Variants in POGK observed in about 807,000 individuals in gnomAD.
The protein encoded by POGK is pogo transposable element derived with KRAB domain.
A neutral mutation model predicts 54.4 loss-of-function variants in POGK; 16 were observed. That is an observed-to-expected ratio of 0.29 (90% CI 0.20 to 0.45). The LOEUF is 0.45. Ranked by LOEUF, POGK falls within the 20% of genes least tolerant of loss-of-function variation. POGK has a pLI of 1.00. For synonymous variants in POGK, 271 were observed against 302.2 expected (o/e 0.90, Z 1.07); for missense variants, 515 against 795.6 (o/e 0.65, Z 4.24).
At chr1:166,847,925 C>G (rs1390873095) in intron 4 of POGK, among the ~76,000 whole-genome samples, 1 of 152,112 alleles carries the variant, frequency 6.6e-6, no homozygotes, top group Admixed American at 6.5e-5. Context: ...TGTGCCTCTG[C>G]AAACTAAGAA....
Position 166,849,449 on chromosome 1 carries a change from C to A in POGK, c.870C>A (p.Leu290=). The A allele has an allele frequency of 4.3e-6, 7 of 1,614,208 alleles. No homozygotes were observed. Among genetic ancestry groups the A allele is most frequent in the Non-Finnish European group, 5.9e-6 (7 of 1,180,036 alleles). ...GGGAGGCGATGCAGCTGAAAGCTCT[C>A]GAAATCGCCCAGGAAATGAACATTC... is the stretch of plus-strand genomic sequence containing the variant. ...ITREAMQLKA[L]EIAQEMNIPE... Residue 290 remains leucine (L), a synonymous_variant, in exon 5 of 6, where the codon CTC becomes CTA. Coordinates refer to ENST00000367876, the MANE Select transcript of POGK (RefSeq NM_017542.5).
intron 5 of POGK, chr1:166,850,996 G>C (rs962219263): frequency 6.6e-6 from 1 of 152,090 alleles, no homozygotes; most frequent in African/African-American, 2.4e-5. Context: ...TTGTATAATA[G>C]GTGAAATGAA....
rs1658225176 is a variant in POGK, at chr1:166,855,000, T to G, written c.*2430T>G. The G allele has an allele frequency of 6.6e-6, 1 of 152,104 alleles. No homozygotes were observed. Among genetic ancestry groups the G allele is most frequent in the Non-Finnish European group, 1.5e-5 (1 of 68,030 alleles). The allele number at this position is 152,104 out of a possible 1,614,324, so 9.4% of individuals were successfully genotyped here. A position where few individuals can be genotyped will look rare whatever the true frequency, so the allele number is the denominator to read the frequency against. On this transcript the variant is annotated 3_prime_UTR_variant, in exon 6 of 6. Coordinates refer to ENST00000367876, the MANE Select transcript of POGK (RefSeq NM_017542.5). ...CCTCCCAGAGGCATTTTGGAATGAG[T>G]CAAAGGCATGGTAGGACACGGCATT...
chr1:166,850,647 A>G lies in POGK; in HGVS notation c.*14+224A>G, dbSNP rs891605201. ...GAGCGGCAGGTGAGCAAGCATTACC[A>G]CCTGAGCTCCGCCCGCTGTCACAGC... On this transcript the variant is annotated intron_variant, in intron 5 of 5. Coordinates refer to ENST00000367876, the MANE Select transcript of POGK (RefSeq NM_017542.5). The G allele has an allele frequency of 4.4e-5, 21 of 472,492 alleles. No homozygotes were observed. The Admixed American group carries it at 6.9e-4, about 16-fold the overall frequency. 29.3% of individuals were successfully genotyped at this position (472,492 alleles called of 1,614,324 possible). A position where few individuals can be genotyped will look rare whatever the true frequency, so the allele number is the denominator to read the frequency against.
At chr1:166,841,118 C>A (rs1312971825) in intron 2 of POGK, 30 bp downstream of exon 2, 1 of 1,609,680 alleles carries the variant, frequency 6.2e-7, no homozygotes, top group Admixed American at 1.7e-5. Flanking sequence ...GTCCACACAG[C>A]CAGCAGATGC....
rs139371750 is a variant in POGK at position 166,853,422 on chromosome 1, A to G, written c.*852A>G. Reference sequence around the variant, plus strand: ...TCGCTATAAATTATCTGTTGTCTACATGGTACAAGGCCCATTGACTCATCT... The same window carrying G: ...TCGCTATAAATTATCTGTTGTCTACGTGGTACAAGGCCCATTGACTCATCT... On this transcript the variant is annotated 3_prime_UTR_variant, in exon 6 of 6. Coordinates refer to ENST00000367876, the MANE Select transcript of POGK (RefSeq NM_017542.5). 6.5e-6 allele frequency: 1 copy of G among 152,714 alleles called. No individual in the cohort carries two copies. The highest frequency in any genetic ancestry group is 1.9e-4 in the East Asian group (1 of 5,186). 9.5% of individuals were successfully genotyped at this position (152,714 alleles called of 1,614,324 possible). A position where few individuals can be genotyped will look rare whatever the true frequency, so the allele number is the denominator to read the frequency against.
At chr1:166,845,357 CAA>C (rs11464833) in intron 2 of POGK, among the ~76,000 whole-genome samples, 14 of 100,862 alleles carry the variant, frequency 1.4e-4, no homozygotes, top group Admixed American at 2.2e-4. Context: ...GACTCCATCT[CAA>C]AAAAAAAAAA....
At position 166,852,873 on chromosome 1, in the gene POGK, A is replaced by G. The variant is rs1306744947; in HGVS notation, c.*303A>G. On this transcript the variant is annotated 3_prime_UTR_variant, in exon 6 of 6. Coordinates refer to ENST00000367876, the MANE Select transcript of POGK (RefSeq NM_017542.5). ...GTTTTGGAGATTACTCCATCTGTCC[A>G]TCAAAAGAAACCTGTAAATATGAAA... 1 of 152,270 alleles carries G rather than the reference A, an allele frequency of 6.6e-6. No homozygotes were observed. The highest frequency in any genetic ancestry group is 1.5e-5 in the Non-Finnish European group (1 of 68,060). The allele number at this position is 152,270 out of a possible 1,614,324, so 9.4% of individuals were successfully genotyped here. A position where few individuals can be genotyped will look rare whatever the true frequency, so the allele number is the denominator to read the frequency against.
chr1:166,843,910 G>A (rs1657716671), intron 2 of POGK, among the ~76,000 whole-genome samples: 4 of 152,344 alleles, frequency 2.6e-5, no homozygotes, highest in Admixed American at 2.6e-4. Context: ...GGTGTCTGGA[G>A]GTGGTACACA....
At position 166,849,851 on chromosome 1, in the gene POGK, G is replaced by A. The variant is rs773248479; in HGVS notation, c.1272G>A (p.Pro424=). The part of the protein sequence containing the change: ...YIILRGTYIP[P]GKFPSGMEIR... ...TTTTGAGGGGAACATATATCCCCCC[G>A]GGGAAGTTTCCCAGTGGGATGGAAA... The change falls in exon 5 of 6, where the codon CCG becomes CCA. Residue 424 remains proline, a synonymous_variant. Coordinates refer to ENST00000367876, the MANE Select transcript of POGK (RefSeq NM_017542.5). 1.1e-5 allele frequency: 18 copies of A among 1,614,252 alleles called. No homozygotes were observed. Among genetic ancestry groups the A allele is most frequent in the Admixed American group, 3.3e-5 (2 of 60,032 alleles).
In POGK at chr1:166,840,901, T is replaced by C; in HGVS notation, c.-2-54T>C. 8 of 1,604,652 alleles carry C rather than the reference T, an allele frequency of 5.0e-6. No homozygotes were observed. The South Asian group carries it at 7.8e-5, about 16-fold the overall frequency. On this transcript the variant is annotated intron_variant, in intron 1 of 5. Transcript: ENST00000367876. ...TGGCTCAGCCTCCCCCATCATAGGC[T>C]TTGGGGAGGTCACAGTGACACCTGG... is the stretch of plus-strand genomic sequence containing the variant.
At chr1:166,840,807 C>T in intron 1 of POGK, 148 bp from the exon 2 acceptor site, 1 of 953,606 alleles carries the variant, frequency 1.0e-6, no homozygotes, top group Non-Finnish European at 1.6e-6. Flanking sequence ...CCTGTAGCTT[C>T]CTGGCCGACT....
intron 2 of POGK, among the ~76,000 whole-genome samples, chr1:166,841,857 C>T (rs1275406866): frequency 1.3e-5 from 2 of 152,066 alleles, no homozygotes; most frequent in Non-Finnish European, 2.9e-5. Context: ...TTGTTCCCTA[C>T]CAGAGGAGAG....
chr1:166,847,133 C>T (rs1018396166), intron 3 of POGK, among the ~76,000 whole-genome samples: 1 of 152,178 alleles, frequency 6.6e-6, no homozygotes, highest in African/African-American at 2.4e-5. Context: ...CCCCAACTTC[C>T]ACCCCAAATT....
intron 5 of POGK, 61 bp from the exon 6 acceptor site, chr1:166,852,524 T>G (rs938257710): frequency 3.9e-5 from 6 of 151,946 alleles, no homozygotes; most frequent in Non-Finnish European, 5.9e-5. Context: ...ATTATTATGT[T>G]TGTTAAAAGT....
chr1:166,841,191 C>T, intron 2 of POGK, 103 bp downstream of exon 2: 2 of 1,464,952 alleles, frequency 1.4e-6, no homozygotes, highest in Non-Finnish European at 9.2e-7. Flanking sequence ...GTAAAAATAG[C>T]CCAGCCCGGT....
At position 166,851,976 on chromosome 1, in the gene POGK, T is replaced by C. The variant is rs528677821; in HGVS notation, c.*15-609T>C. 6 of 152,314 alleles carry C rather than the reference T, an allele frequency of 3.9e-5. No homozygotes were observed. The East Asian group carries it at 1.2e-3, about 29-fold the overall frequency. 9.4% of individuals were successfully genotyped at this position (152,314 alleles called of 1,614,324 possible). On this transcript the variant is annotated intron_variant, in intron 5 of 5. Transcript: ENST00000367876. ...GCCTTGCTTCCAAATTAAATTGTACTCATATTGCTGAATCCCATTGTAATT... is the reference window on the plus strand; with the variant it reads ...GCCTTGCTTCCAAATTAAATTGTACCCATATTGCTGAATCCCATTGTAATT...
chr1:166,841,635 A>G (rs1657518285), intron 2 of POGK, among the ~76,000 whole-genome samples: 1 of 152,210 alleles, frequency 6.6e-6, no homozygotes, highest in Non-Finnish European at 1.5e-5. Flanking sequence ...TACAAATGCA[A>G]ATGCAGTAGA....
At chr1:166,843,879 C>T (rs568581204) in intron 2 of POGK, among the ~76,000 whole-genome samples, 2 of 152,338 alleles carry the variant, frequency 1.3e-5, no homozygotes, top group East Asian at 3.9e-4. Flanking sequence ...CTGAAGGTCC[C>T]TACCTGCAAG....
Sources: gnomAD v4.1 joint callset for allele counts (sites outside exome capture counted in the v4.1 genomes callset) on GRCh38, gnomAD v4.1.1 for gene constraint, MANE v1.5 for transcripts, NCBI Gene and HGNC (gene_info 2026-07-23, HGNC 2026-07-21) for gene names.